Variants in ASB3 observed in about 807,000 individuals in gnomAD.
ASB3 encodes the protein ankyrin repeat and SOCS box containing 3.
ASB3 carries 41 observed loss-of-function variants against 54.5 expected under a neutral mutation model. The observed-to-expected ratio is 0.75, with a 90% confidence interval of 0.59 to 0.98. The LOEUF is 0.98. Among genes scored for constraint, ASB3 ranks in the 50% least tolerant of loss-of-function variants. The probability of loss-of-function intolerance (pLI) is 0.00; values close to 1 mark genes in which losing one functional copy is unlikely to be tolerated. For synonymous variants in ASB3, 266 were observed against 221.2 expected (o/e 1.20, Z -1.80); for missense variants, 733 against 620.0 (o/e 1.18, Z -1.94).
At chr2:53,752,454 G>A (rs892693068) in intron 2 of ASB3, among the ~76,000 whole-genome samples, 1 of 152,228 alleles carries the variant, frequency 6.6e-6, no homozygotes, top group Non-Finnish European at 1.5e-5. Context: ...AAGAGGCCAG[G>A]CTCCTCCCCA....
At chr2:53,730,455 G>GA (rs1398803516) in intron 3 of ASB3, among the ~76,000 whole-genome samples, 1 of 152,190 alleles carries the variant, frequency 6.6e-6, no homozygotes, top group Admixed American at 6.5e-5. Flanking sequence ...TAAGAAAGAA[G>GA]ATTTAAGTTG....
At chr2:53,748,625 C>T (rs1672354558) in intron 3 of ASB3, among the ~76,000 whole-genome samples, 1 of 152,048 alleles carries the variant, frequency 6.6e-6, no homozygotes, top group African/African-American at 2.4e-5. Context: ...AAACACAAAC[C>T]CTGAACCTTA....
intron 1 of ASB3, among the ~76,000 whole-genome samples, chr2:53,766,509 G>A (rs1342724065): frequency 2.0e-5 from 3 of 152,140 alleles, no homozygotes; most frequent in Non-Finnish European, 4.4e-5. Context: ...GTTCTAGGAT[G>A]AATGTCCTTA....
chr2:53,709,533 T>C (rs1669974569), intron 7 of ASB3, among the ~76,000 whole-genome samples: 1 of 152,188 alleles, frequency 6.6e-6, no homozygotes, highest in Non-Finnish European at 1.5e-5. Context: ...ATAAGATGTT[T>C]AGATGAAGGC....
intron 7 of ASB3, among the ~76,000 whole-genome samples, chr2:53,705,588 C>T (rs771313238): frequency 1.5e-4 from 23 of 152,038 alleles, no homozygotes; most frequent in Non-Finnish European, 2.6e-4. Context: ...GTTTAACAGG[C>T]CTCTTAAATC....
chr2:53,679,481 T>C (rs1037308827), intron 9 of ASB3, among the ~76,000 whole-genome samples: 101 of 152,272 alleles, frequency 6.6e-4, no homozygotes, highest in African/African-American at 2.3e-3. Context: ...ATCCTCATCT[T>C]TCTTCTCCAT....
rs765803865 is a variant in ASB3 at position 53,767,979 on chromosome 2, C to T, written c.-13-2394G>A. On this transcript the variant is annotated intron_variant, in intron 1 of 9. Coordinates refer to ENST00000263634, the MANE Select transcript of ASB3 (RefSeq NM_016115.5). ...GATACATCACCAACTACAGCAGGCGCTTCTGGCAGGGCAGCACGGACCACC... is the reference window on the plus strand; with the variant it reads ...GATACATCACCAACTACAGCAGGCGTTTCTGGCAGGGCAGCACGGACCACC... 2.5e-6 allele frequency: 4 copies of T among 1,614,042 alleles called. No individual in the cohort carries two copies. The East Asian group carries it at 6.7e-5, about 27-fold the overall frequency.
At chr2:53,765,683 CAT>C in intron 1 of ASB3, 98 bp from the exon 2 acceptor site, 4 of 1,401,416 alleles carry the variant, frequency 2.9e-6, no homozygotes, top group Non-Finnish European at 3.9e-6. Flanking sequence ...GTATCTCTCA[CAT>C]GACTGACGAA....
intron 3 of ASB3, among the ~76,000 whole-genome samples, chr2:53,742,404 G>C (rs757882809): frequency 3.3e-5 from 5 of 151,984 alleles, no homozygotes. Flanking sequence ...AAGAATAAAG[G>C]AAGAAAAGTT....
chr2:53,764,709 G>GTA (rs1053567281), intron 2 of ASB3, among the ~76,000 whole-genome samples: 2 of 152,206 alleles, frequency 1.3e-5, no homozygotes, highest in African/African-American at 4.8e-5. Flanking sequence ...TTTCTGTGGT[G>GTA]TAAATACTCC....
chr2:53,685,177 C>T (rs1434284362), intron 9 of ASB3, among the ~76,000 whole-genome samples: 1 of 152,118 alleles, frequency 6.6e-6, no homozygotes, highest in African/African-American at 2.4e-5. Context: ...TATTCAAACA[C>T]ATTTTATTTA....
intron 5 of ASB3, among the ~76,000 whole-genome samples, chr2:53,717,529 A>G (rs1460714323): frequency 6.6e-6 from 1 of 152,190 alleles, no homozygotes; most frequent in Non-Finnish European, 1.5e-5. Flanking sequence ...GAAAGAAAGA[A>G]AAAGAAAAAA....
intron 4 of ASB3, among the ~76,000 whole-genome samples, chr2:53,729,077 G>C (rs566004351): frequency 6.6e-6 from 1 of 151,926 alleles, no homozygotes; most frequent in Non-Finnish European, 1.5e-5. Context: ...CTGATCTCTA[G>C]GAATTATAAA....
At chr2:53,691,619 A>C (rs1290031688) in intron 9 of ASB3, among the ~76,000 whole-genome samples, 1 of 152,036 alleles carries the variant, frequency 6.6e-6, no homozygotes, top group Admixed American at 6.5e-5. Context: ...TGCTTACTAG[A>C]GATCCTGTAG....
chr2:53,744,043 A>C (rs1211455927), intron 3 of ASB3, among the ~76,000 whole-genome samples: 3 of 112,594 alleles, frequency 2.7e-5, no homozygotes, highest in African/African-American at 1.1e-4. Context: ...ACTCTGTCTC[A>C]AAAAAAAAAA....
chr2:53,732,763 T>A (rs1671391657), intron 3 of ASB3, among the ~76,000 whole-genome samples: 1 of 152,210 alleles, frequency 6.6e-6, no homozygotes. Context: ...TCACAGCCCT[T>A]GTTAATTATT....
intron 9 of ASB3, among the ~76,000 whole-genome samples, chr2:53,680,419 T>C (rs1278050946): frequency 1.3e-5 from 2 of 152,246 alleles, no homozygotes; most frequent in Admixed American, 6.5e-5. Flanking sequence ...TTTTCTACCT[T>C]TTAGTAATAA....
At chr2:53,691,673 A>G (rs750818666) in intron 9 of ASB3, among the ~76,000 whole-genome samples, 21 of 152,160 alleles carry the variant, frequency 1.4e-4, no homozygotes, top group Non-Finnish European at 2.4e-4. Context: ...ACCAACATAC[A>G]GAAATTGAGT....
intron 2 of ASB3, among the ~76,000 whole-genome samples, chr2:53,761,327 G>T (rs1673132799): frequency 6.6e-6 from 1 of 152,108 alleles, no homozygotes; most frequent in Admixed American, 6.5e-5. Flanking sequence ...ACAATGATCA[G>T]GATATAAACT....
Sources: gnomAD v4.1 joint callset for allele counts (sites outside exome capture counted in the v4.1 genomes callset) on GRCh38, gnomAD v4.1.1 for gene constraint, MANE v1.5 for transcripts, NCBI Gene and HGNC (gene_info 2026-07-23, HGNC 2026-07-21) for gene names.